Variants in DST observed in about 807,000 individuals in gnomAD.
DST encodes bullous pemphigoid antigen.
DST carries 253 observed loss-of-function variants against 875.2 expected under a neutral mutation model. The observed-to-expected ratio is 0.29, with a 90% CI of 0.26 to 0.32. The LOEUF is 0.32. DST is among the 10% of genes least tolerant of loss of function. DST has a pLI of 1.00. For missense variants in DST, 8,287 were observed against 9,111.6 expected (o/e 0.91, Z 3.68); for synonymous variants, 3,124 against 3,197.1 (o/e 0.98, Z 0.77).
chr6:56,619,735 C>T, intron 36 of DST: 1 of 1,614,106 alleles, frequency 6.2e-7, no homozygotes, highest in Middle Eastern at 1.6e-4. Context: ...GTTGAGAATA[C>T]CCTTTCTCCG....
chr6:56,572,641 TA>T, intron 52 of DST, 105 bp downstream of exon 52: 1 of 826,170 alleles, frequency 1.2e-6, no homozygotes, highest in Non-Finnish European at 1.8e-6. Context: ...TACTAATCTA[TA>T]AGCAATTAAA....
chr6:56,588,561 C>T (rs185372366), intron 49 of DST, among the ~76,000 whole-genome samples: 13 of 152,278 alleles, frequency 8.5e-5, no homozygotes, highest in African/African-American at 3.1e-4. Flanking sequence ...CTTTCTATTA[C>T]TAGTGCCTAG....
intron 55 of DST, among the ~76,000 whole-genome samples, chr6:56,565,243 C>T (rs948145064): frequency 1.6e-4 from 25 of 151,730 alleles, no homozygotes; most frequent in African/African-American, 6.1e-4. Flanking sequence ...ACATCAACCT[C>T]CTGAGTAGCT....
intron 98 of DST, 193 bp from the exon 99 acceptor site, chr6:56,466,388 A>G (rs2094576834): frequency 2.6e-6 from 1 of 390,688 alleles, no homozygotes; most frequent in Non-Finnish European, 4.5e-6. Context: ...GCCCAAAGGA[A>G]ACAGTTTGAA....
chr6:56,671,997 A>G (rs1409601524), intron 9 of DST, among the ~76,000 whole-genome samples: 2 of 152,224 alleles, frequency 1.3e-5, no homozygotes, highest in African/African-American at 2.4e-5. Context: ...TTCAGTCTAA[A>G]GTTTTACTAA....
intron 5 of DST, among the ~76,000 whole-genome samples, chr6:56,706,514 C>G (rs74450223): frequency 1.3e-5 from 2 of 152,062 alleles, no homozygotes; most frequent in Non-Finnish European, 2.9e-5. Context: ...ATGATATGTA[C>G]GCGAACAGAT....
rs1026074163 is a variant in DST at position 56,587,077 on chromosome 6, T to C, written c.12903+5105A>G. Among the ~76,000 whole-genome samples the C allele has an allele frequency of 1.2e-4, 18 of 151,808 alleles. 1 individual carries two copies. Among genetic ancestry groups the C allele is most frequent in the Admixed American group, 4.6e-4 (7 of 15,252 alleles). On this transcript the variant is annotated intron_variant, in intron 49 of 103. Transcript: ENST00000680361. ...CTGGACGGAGAATGACTTTGACGAG[T>C]TGAGAGAAGAAGGCTTCAGACGATC...
chr6:56,501,840 A>G, intron 78 of DST, 147 bp from the exon 79 acceptor site: 1 of 510,592 alleles, frequency 2.0e-6, no homozygotes, highest in Non-Finnish European at 3.3e-6. Flanking sequence ...AGGCTTACCA[A>G]TGGAAGAATT....
In DST at chr6:56,642,567, G is replaced by T. The variant is rs575046664; in HGVS notation, c.1779-64C>A. The T allele has an allele frequency of 6.1e-5, 99 of 1,610,238 alleles. No homozygotes were observed. The South Asian group carries it at 1.0e-3, about 17-fold the overall frequency. ...TGAAGTCAAAGAGCTCACCATTCCT[G>T]AAAAGTGCTGCCCATCAAAAAGTAA... is the stretch of plus-strand genomic sequence containing the variant. On this transcript the variant is annotated intron_variant, in intron 15 of 103. Transcript: ENST00000680361.
At chr6:56,589,351 G>C (rs2098226520) in intron 49 of DST, among the ~76,000 whole-genome samples, 1 of 152,084 alleles carries the variant, frequency 6.6e-6, no homozygotes, top group South Asian at 2.1e-4. Flanking sequence ...CAAGTATCAA[G>C]GTCCTAATTT....
intron 3 of DST, among the ~76,000 whole-genome samples, chr6:56,892,994 A>G (rs1788332951): frequency 6.6e-6 from 1 of 152,170 alleles, no homozygotes; most frequent in Non-Finnish European, 1.5e-5. Flanking sequence ...AGCTATTGTT[A>G]TCACTTTATT....
At chr6:56,726,676 G>A (rs1248853012) in intron 5 of DST, among the ~76,000 whole-genome samples, 1 of 152,120 alleles carries the variant, frequency 6.6e-6, no homozygotes, top group African/African-American at 2.4e-5. Flanking sequence ...TTTATAAGAA[G>A]AAAGTCACCA....
At chr6:56,889,027 C>T (rs1785998844) in intron 3 of DST, among the ~76,000 whole-genome samples, 1 of 152,150 alleles carries the variant, frequency 6.6e-6, no homozygotes, top group South Asian at 2.1e-4. Flanking sequence ...CTACCTAGAC[C>T]CATGTCTGCT....
rs1245928033 is a variant in DST, at chr6:56,610,447, C to G, written c.5263G>C (p.Asp1755His). 2 of 1,563,034 alleles carry G rather than the reference C, an allele frequency of 1.3e-6. No individual in the cohort carries two copies. Among genetic ancestry groups the G allele is most frequent in the East Asian group, 2.3e-5 (1 of 43,030 alleles). The change falls in exon 39 of 104, where the codon GAT becomes CAT. Residue 1755 changes from aspartate to histidine, a missense_variant. Around this residue, in one of 10 missense-constraint regions of DST, gnomAD observed 3,138 missense variants for 3,116.6 expected, o/e 1.01. Coordinates refer to ENST00000680361, the MANE Select transcript of DST (RefSeq NM_001374736.1). ...ATTACCTTCTCCTCTACCTTTACAT[C>G]TCCTGAGGTTTGTGATTCTTGTAGC... ...KQLQESQTSG[D>H]VKVEEKLDKV...
intron 39 of DST, among the ~76,000 whole-genome samples, chr6:56,609,929 C>G (rs573922400): frequency 7.2e-5 from 11 of 152,226 alleles, no homozygotes; most frequent in African/African-American, 2.6e-4. Context: ...TATACACTGT[C>G]AAGTTTTAAA....
intron 85 of DST, among the ~76,000 whole-genome samples, chr6:56,490,869 C>T (rs2095713477): frequency 6.6e-6 from 1 of 152,094 alleles, no homozygotes; most frequent in Non-Finnish European, 1.5e-5. Context: ...AAATGCTATA[C>T]ATTTGCACTA....
chr6:56,546,389 T>TATATATATATAA, intron 61 of DST, among the ~76,000 whole-genome samples: 1 of 104,266 alleles, frequency 9.6e-6, no homozygotes, highest in South Asian at 3.1e-4. Context: ...TATATATATA[T>TATATATATATAA]AAATGTCAAA....
At chr6:56,822,022 G>A (rs1031148795) in intron 4 of DST, among the ~76,000 whole-genome samples, 3 of 151,894 alleles carry the variant, frequency 2.0e-5, no homozygotes, top group Admixed American at 1.3e-4. Flanking sequence ...AAGACTTTGC[G>A]GATTATAAGC....
In DST at chr6:56,645,889, C is replaced by T. The variant is rs760753181; in HGVS notation, c.1755G>A (p.Lys585=). 2.5e-6 allele frequency: 4 copies of T among 1,613,742 alleles called. No individual in the cohort carries two copies. Among genetic ancestry groups the T allele is most frequent in the African/African-American group, 2.7e-5 (2 of 75,018 alleles). Reference sequence around the variant, plus strand: ...ACCTTTCTACTTCTGGACGAAGGGCCTTCTCTCTCTCTAGCATGGCAATAA... The same window carrying T: ...ACCTTTCTACTTCTGGACGAAGGGCTTTCTCTCTCTCTAGCATGGCAATAA... The part of the protein sequence containing the change: ...KLIIAMLERE[K]ALRPEVERLE... Residue 585 remains lysine (K), a synonymous_variant, in exon 15 of 104, where the codon AAG becomes AAA. Transcript: ENST00000680361.
Sources: gnomAD v4.1 joint callset for allele counts (sites outside exome capture counted in the v4.1 genomes callset) on GRCh38, gnomAD v4.1.1 for gene constraint, gnomAD v4.1.1 regional missense constraint, MANE v1.5 for transcripts, NCBI Gene and HGNC (gene_info 2026-07-23, HGNC 2026-07-21) for gene names.